Variants in DDI2 observed in about 807,000 individuals in gnomAD.
The protein encoded by DDI2 is protein DDI1 homolog 2.
A neutral mutation model predicts 48.1 loss-of-function variants in DDI2; 5 were observed. The ratio of observed to expected loss-of-function variants is 0.10; its 90% CI spans 0.05 to 0.22. The LOEUF is 0.22. DDI2 is among the 10% of genes least tolerant of loss of function. DDI2 has a pLI of 1.00. For synonymous variants in DDI2, 205 were observed against 183.6 expected (o/e 1.12, Z -0.94); for missense variants, 285 against 506.2 (o/e 0.56, Z 4.19).
intron 2 of DDI2, among the ~76,000 whole-genome samples, chr1:15,629,340 A>T (rs1328747686): frequency 6.6e-6 from 1 of 152,162 alleles, no homozygotes; most frequent in Non-Finnish European, 1.5e-5. Context: ...TCACACTTAT[A>T]ATCCCAGCAC....
intron 9 of DDI2, 159 bp downstream of exon 9, chr1:15,656,838 A>G (rs576776088): frequency 5.3e-5 from 49 of 923,022 alleles, no homozygotes; most frequent in Non-Finnish European, 7.3e-5. Flanking sequence ...TTTGGCATGC[A>G]TACATGGATA....
In DDI2 at chr1:15,662,877, C is replaced by T. The variant is rs1486727897; in HGVS notation, c.*3087C>T. On this transcript the variant is annotated 3_prime_UTR_variant, in exon 10 of 10. Coordinates refer to ENST00000480945, the MANE Select transcript of DDI2 (RefSeq NM_032341.5). ...AGAGTTTTCCATCCTTTTCTTTCCT[C>T]AGGAGTTTCTTTTTTAAGCAAAATT... 2 of 152,184 alleles carry T rather than the reference C, an allele frequency of 1.3e-5. No homozygotes were observed. Among genetic ancestry groups the T allele is most frequent in the Non-Finnish European group, 2.9e-5 (2 of 68,034 alleles). The allele number at this position is 152,184 out of a possible 1,614,324, so 9.4% of individuals were successfully genotyped here. A position where few individuals can be genotyped will look rare whatever the true frequency, so the allele number is the denominator to read the frequency against.
chr1:15,662,123 A>G lies in DDI2; in HGVS notation c.*2333A>G, dbSNP rs1300895445. On this transcript the variant is annotated 3_prime_UTR_variant, in exon 10 of 10. Coordinates refer to ENST00000480945, the MANE Select transcript of DDI2 (RefSeq NM_032341.5). ...CCAGCTAAAAACAGATGAACTCTCCACACTGTGACTGTGTGTCTGTGCTGA... is the reference window on the plus strand; with the variant it reads ...CCAGCTAAAAACAGATGAACTCTCCGCACTGTGACTGTGTGTCTGTGCTGA... 6.2e-6 allele frequency: 1 copy of G among 162,310 alleles called. No homozygotes were observed. The highest frequency in any genetic ancestry group is 1.4e-5 in the Non-Finnish European group (1 of 73,798). 10.1% of individuals were successfully genotyped at this position (162,310 alleles called of 1,614,324 possible). A position where few individuals can be genotyped will look rare whatever the true frequency, so the allele number is the denominator to read the frequency against.
chr1:15,651,216 C>A (rs1358579275), intron 7 of DDI2, among the ~76,000 whole-genome samples: 1 of 152,128 alleles, frequency 6.6e-6, no homozygotes, highest in Non-Finnish European at 1.5e-5. Context: ...CTTGTCACTG[C>A]CTTTCCTTAT....
At chr1:15,652,737 G>C (rs1640211243) in intron 8 of DDI2, among the ~76,000 whole-genome samples, 1 of 151,846 alleles carries the variant, frequency 6.6e-6, no homozygotes, top group Admixed American at 6.6e-5. Flanking sequence ...GCAGGAGAAT[G>C]ACATAAACCC....
chr1:15,633,126 G>C (rs1639873384), intron 3 of DDI2, among the ~76,000 whole-genome samples: 1 of 151,648 alleles, frequency 6.6e-6, no homozygotes, highest in Admixed American at 6.6e-5. Context: ...ACAAGGTCTT[G>C]CTATGTTGCC....
chr1:15,652,464 G>GT (rs1557622638), intron 8 of DDI2, among the ~76,000 whole-genome samples: 1 of 53,164 alleles, frequency 1.9e-5, no homozygotes, highest in African/African-American at 7.2e-5. Flanking sequence ...GGGGGGGGGG[G>GT]GCGGATCACC....
Position 15,660,875 on chromosome 1 carries a change from G to T in DDI2, c.*1085G>T. 2.5e-6 allele frequency: 4 copies of T among 1,614,132 alleles called. No homozygotes were observed. Among genetic ancestry groups the T allele is most frequent in the South Asian group, 1.1e-5 (1 of 91,080 alleles). ...CATTACTCCTCTCCAAGTCTCTGTG[G>T]CAGTTGTCAGCCTTCTGTGGAGTCA... is the stretch of plus-strand genomic sequence containing the variant. On this transcript the variant is annotated 3_prime_UTR_variant, in exon 10 of 10. Transcript: ENST00000480945.
At chr1:15,655,702 A>G (rs982330378) in intron 8 of DDI2, among the ~76,000 whole-genome samples, 1 of 151,304 alleles carries the variant, frequency 6.6e-6, no homozygotes, top group African/African-American at 2.4e-5. Context: ...GCAGTGAGCC[A>G]AGATTGCACC....
intron 5 of DDI2, among the ~76,000 whole-genome samples, chr1:15,641,784 A>G (rs1640012674): frequency 6.6e-6 from 1 of 151,866 alleles, no homozygotes; most frequent in African/African-American, 2.4e-5. Flanking sequence ...CTGAAGCCCC[A>G]TCTCTACTAA....
In DDI2 at chr1:15,660,193, A is replaced by G; in HGVS notation, c.*403A>G. The G allele has an allele frequency of 6.2e-7, 1 of 1,614,246 alleles. No homozygotes were observed. Among genetic ancestry groups the G allele is most frequent in the Non-Finnish European group, 8.5e-7 (1 of 1,180,036 alleles). On this transcript the variant is annotated 3_prime_UTR_variant, in exon 10 of 10. Transcript: ENST00000480945. ...ATCCGAAGAAATAACTGTTGCAGGTAATCTGGAGAAATCTGCTGAAAGAAG... is the reference window on the plus strand; with the variant it reads ...ATCCGAAGAAATAACTGTTGCAGGTGATCTGGAGAAATCTGCTGAAAGAAG...
At chr1:15,643,064 C>T (rs1021236642) in intron 5 of DDI2, among the ~76,000 whole-genome samples, 24 of 151,108 alleles carry the variant, frequency 1.6e-4, no homozygotes, top group African/African-American at 5.8e-4. Context: ...GAGACTGTCT[C>T]AACAACAAAA....
chr1:15,634,518 T>A (rs576409499), intron 4 of DDI2, among the ~76,000 whole-genome samples: 77 of 148,134 alleles, frequency 5.2e-4, no homozygotes, highest in African/African-American at 1.8e-3. Flanking sequence ...CATGCTTTTT[T>A]AAACTTCTTA....
intron 6 of DDI2, among the ~76,000 whole-genome samples, chr1:15,649,122 G>A (rs191539472): frequency 3.9e-5 from 6 of 152,226 alleles, no homozygotes; most frequent in Non-Finnish European, 8.8e-5. Flanking sequence ...CCAGCACGTT[G>A]GGAGGCCAAG....
intron 7 of DDI2, among the ~76,000 whole-genome samples, chr1:15,651,374 C>T (rs537927887): frequency 3.3e-5 from 5 of 151,668 alleles, no homozygotes; most frequent in Non-Finnish European, 5.9e-5. Flanking sequence ...GATTGCCTTG[C>T]GTGGCACAAT....
chr1:15,618,052 C>T (rs1639592364), intron 1 of DDI2, among the ~76,000 whole-genome samples: 1 of 152,224 alleles, frequency 6.6e-6, no homozygotes, highest in African/African-American at 2.4e-5. Context: ...GACGCACCCA[C>T]TGCAGCGTGA....
At chr1:15,647,417 G>C (rs1640109358) in intron 6 of DDI2, among the ~76,000 whole-genome samples, 1 of 152,080 alleles carries the variant, frequency 6.6e-6, no homozygotes, top group South Asian at 2.1e-4. Context: ...CCAAAGTGCT[G>C]GGATTACAGG....
rs549030185 is a variant in DDI2, at chr1:15,661,775, T to G, written c.*1985T>G. 3 of 1,535,830 alleles carry G rather than the reference T, an allele frequency of 2.0e-6. No individual in the cohort carries two copies. The highest frequency in any genetic ancestry group is 2.3e-5 in the East Asian group (1 of 44,086). ...CCATTCCCTTTAAACAAAAGAAAGCTCTCTCTATATACACGCACACATACA... is the reference window on the plus strand; with the variant it reads ...CCATTCCCTTTAAACAAAAGAAAGCGCTCTCTATATACACGCACACATACA... On this transcript the variant is annotated 3_prime_UTR_variant, in exon 10 of 10. Coordinates refer to ENST00000480945, the MANE Select transcript of DDI2 (RefSeq NM_032341.5).
chr1:15,623,387 C>CTTCTTTTTTTTTTTT (rs1553152999), intron 1 of DDI2, among the ~76,000 whole-genome samples: 1 of 107,516 alleles, frequency 9.3e-6, no homozygotes, highest in African/African-American at 3.8e-5. Flanking sequence ...TTTTCTTCTT[C>CTTCTTTTTTTTTTTT]TTTTTTTTTT....
Sources: gnomAD v4.1 joint callset for allele counts (sites outside exome capture counted in the v4.1 genomes callset) on GRCh38, gnomAD v4.1.1 for gene constraint, MANE v1.5 for transcripts, NCBI Gene and HGNC (gene_info 2026-07-23, HGNC 2026-07-21) for gene names.